Variants in ABCD3 observed in about 807,000 individuals in gnomAD.
ABCD3 encodes ATP binding cassette subfamily D member 3, also known as ATP-binding cassette sub-family D member 3.
Under a neutral mutation model 105.5 loss-of-function variants are expected in ABCD3, and 41 were observed. The observed-to-expected ratio is 0.39, with a 90% CI of 0.30 to 0.50. The LOEUF is 0.50. Ranked by LOEUF, ABCD3 falls within the 20% of genes least tolerant of loss-of-function variation. The probability of loss-of-function intolerance (pLI) is 0.84; values close to 1 mark genes in which losing one functional copy is unlikely to be tolerated. For missense variants in ABCD3, 622 were observed against 806.3 expected, an observed-to-expected ratio of 0.77 and a Z score of 2.77; for synonymous variants, 258 against 269.0, an observed-to-expected ratio of 0.96 and a Z score of 0.40.
At chr1:94,440,219 G>T (rs921095609) in intron 1 of ABCD3, among the ~76,000 whole-genome samples, 8 of 151,620 alleles carry the variant, frequency 5.3e-5, no homozygotes, top group Admixed American at 3.3e-4. Flanking sequence ...TTCTTTTTTT[G>T]TCTGAAATTA....
At chr1:94,436,788 T>C (rs12143512) in intron 1 of ABCD3, among the ~76,000 whole-genome samples, 55,001 of 152,094 alleles carry the variant, frequency 0.36, 11,502 homozygotes, top group Middle Eastern at 0.55. Flanking sequence ...GCCATGAAAT[T>C]CAAAAGCTAG....
intron 1 of ABCD3, among the ~76,000 whole-genome samples, chr1:94,422,027 A>G (rs907972024): frequency 2.6e-5 from 4 of 152,184 alleles, no homozygotes; most frequent in African/African-American, 9.7e-5. Flanking sequence ...TCATCCAACC[A>G]TAAGTGCTGG....
In ABCD3 at chr1:94,489,926, C is replaced by T. The variant is rs1202340033; in HGVS notation, c.1273C>T (p.Pro425Ser). 5 of 1,612,972 alleles carry T rather than the reference C, an allele frequency of 3.1e-6. No individual in the cohort carries two copies. The highest frequency in any genetic ancestry group is 4.2e-6 in the Non-Finnish European group (5 of 1,179,324). ...AGGTATTGAAGGAGTACAAGTCATTCCCTTGATACCTGGTGCTGGAGAAAT... is the reference window on the plus strand; with the variant it reads ...AGGTATTGAAGGAGTACAAGTCATTTCCTTGATACCTGGTGCTGGAGAAAT... ...EKGIEGVQVI[P>S]LIPGAGEIII... is the part of the protein sequence containing the mutation. Residue 425 changes from proline (P) to serine (S), a missense_variant, in exon 15 of 23, where the codon CCC becomes TCC. Pro to Ser is a moderately conservative substitution (Grantham distance 74, BLOSUM62 -1). Coordinates refer to ENST00000370214, the MANE Select transcript of ABCD3 (RefSeq NM_002858.4).
the ABCD3 span, among the ~76,000 whole-genome samples, chr1:94,386,561 A>G: frequency 1.8e-4 from 28 of 152,404 alleles, no homozygotes; most frequent in African/African-American, 6.0e-4. Context: ...AGGTAGATAC[A>G]TAACAATATC....
intron 7 of ABCD3, among the ~76,000 whole-genome samples, chr1:94,477,105 AAGTT>A (rs1476995664): frequency 6.6e-6 from 1 of 152,024 alleles, no homozygotes; most frequent in Non-Finnish European, 1.5e-5. Context: ...ACCAGTGTGT[AAGTT>A]AGATGTTTTA....
In ABCD3 at chr1:94,475,623, A is replaced by G. The variant is rs1648703449; in HGVS notation, c.513A>G (p.Thr171=). The change falls in exon 7 of 23, where the codon ACA becomes ACG. Residue 171 remains threonine (T), a synonymous_variant. Coordinates refer to ENST00000370214, the MANE Select transcript of ABCD3 (RefSeq NM_002858.4). ...CTTCTTGCTATTTTAGAGCTTTCAC[A>G]TATTATAAAATGGGGAATCTGGACA... ...YLYEEYLQAF[T]YYKMGNLDNR... is the part of the protein sequence containing the mutation. 1.2e-6 allele frequency: 2 copies of G among 1,611,544 alleles called. No individual in the cohort carries two copies. The highest frequency in any genetic ancestry group is 8.5e-7 in the Non-Finnish European group (1 of 1,178,164).
intron 21 of ABCD3, among the ~76,000 whole-genome samples, chr1:94,511,059 G>T (rs1045550114): frequency 9.9e-5 from 15 of 151,478 alleles, no homozygotes; most frequent in Non-Finnish European, 1.3e-4. Context: ...TATTTTGCTC[G>T]TTAGTTCATG....
At chr1:94,411,124 A>G in the ABCD3 span, among the ~76,000 whole-genome samples, 15 of 152,252 alleles carry the variant, frequency 9.9e-5, no homozygotes, top group Non-Finnish European at 1.0e-4. Context: ...GAAAAAATAG[A>G]TAAATTGGAC....
At chr1:94,478,818 T>A (rs1248477054) in intron 8 of ABCD3, 4 of 422,846 alleles carry the variant, frequency 9.5e-6, no homozygotes, top group Admixed American at 4.6e-5. Flanking sequence ...AACGATACAT[T>A]TAGAGTGGGT....
chr1:94,477,626 A>G (rs1648827740), intron 7 of ABCD3, among the ~76,000 whole-genome samples: 1 of 152,128 alleles, frequency 6.6e-6, no homozygotes, highest in South Asian at 2.1e-4. Flanking sequence ...AAGTGAATGA[A>G]CACAATTTGT....
chr1:94,400,213 G>A, the ABCD3 span, among the ~76,000 whole-genome samples: 1 of 152,072 alleles, frequency 6.6e-6, no homozygotes, highest in Admixed American at 6.6e-5. Context: ...TTCGAGACCA[G>A]CCTGGCCAAA....
At chr1:94,416,043 G>C (rs563523998), upstream of ABCD3, among the ~76,000 whole-genome samples, 1 of 152,160 alleles carries the variant, frequency 6.6e-6, no homozygotes, top group East Asian at 1.9e-4. Context: ...CTTGAACAAG[G>C]GTAACTTTTA....
Position 94,499,531 on chromosome 1 carries a change from C to A in ABCD3, c.1657C>A (p.His553Asn). 2 of 1,613,590 alleles carry A rather than the reference C, an allele frequency of 1.2e-6. No individual in the cohort carries two copies. Among genetic ancestry groups the A allele is most frequent in the South Asian group, 1.1e-5 (1 of 91,026 alleles). The change falls in exon 20 of 23, where the codon CAT becomes AAT. Residue 553 changes from histidine (H) to asparagine (N), a missense_variant. His to Asn is a moderately conservative substitution (Grantham distance 68). This residue lies in a region of ABCD3 where 285 missense variants were observed against 352.5 expected (regional missense o/e 0.81). Transcript: ENST00000370214. ...KEYLDNVQLG[H>N]ILEREGGWDS... ...ATACTTAGACAATGTCCAGTTGGGT[C>A]ATATCCTTGAACGTGAAGGAGGCTG...
intron 1 of ABCD3, among the ~76,000 whole-genome samples, chr1:94,455,191 A>G (rs1162631263): frequency 1.3e-5 from 2 of 152,164 alleles, no homozygotes; most frequent in Non-Finnish European, 2.9e-5. Flanking sequence ...ATCATCTTCA[A>G]CTTCTGTACT....
chr1:94,455,813 G>A (rs1376765326), intron 1 of ABCD3: 1 of 1,283,170 alleles, frequency 7.8e-7, no homozygotes, highest in Non-Finnish European at 1.0e-6. Flanking sequence ...TGGTAGGTGT[G>A]TGTGTACATG....
chr1:94,467,806 T>C (rs79673850), intron 3 of ABCD3, 113 bp from the exon 4 acceptor site: 7 of 723,092 alleles, frequency 9.7e-6, no homozygotes, highest in Middle Eastern at 3.7e-4. Flanking sequence ...GCCAACTATA[T>C]TGAAACTTAC....
the ABCD3 span, among the ~76,000 whole-genome samples, chr1:94,393,049 T>C: frequency 6.7e-6 from 1 of 148,996 alleles, no homozygotes; most frequent in Non-Finnish European, 1.5e-5. Flanking sequence ...GAGGCAGAGA[T>C]TGCAGTGAGC....
chr1:94,467,456 CAAATT>C (rs916901435), intron 3 of ABCD3, among the ~76,000 whole-genome samples: 3 of 152,154 alleles, frequency 2.0e-5, no homozygotes, highest in African/African-American at 7.2e-5. Flanking sequence ...ATTTTTCTAA[CAAATT>C]AAACCAAATT....
At chr1:94,490,193 T>C (rs945963970) in intron 15 of ABCD3, among the ~76,000 whole-genome samples, 2 of 152,068 alleles carry the variant, frequency 1.3e-5, no homozygotes, top group African/African-American at 2.4e-5. Context: ...GATTACGTTT[T>C]GGCTAATTAA....
Sources: allele counts gnomAD v4.1 joint callset (sites outside exome capture counted in the v4.1 genomes callset), GRCh38; gene constraint gnomAD v4.1.1; regional missense constraint gnomAD v4.1.1; transcripts MANE v1.5; gene names NCBI Gene and HGNC (gene_info 2026-07-23, HGNC 2026-07-21).